The following ZNF566 variants were observed in gnomAD, a reference collection of about 807,000 sequenced individuals.
ZNF566 encodes zinc finger protein 566.
Under a neutral mutation model 32.8 loss-of-function variants are expected in ZNF566, and 27 were observed. The ratio of observed to expected loss-of-function variants is 0.82; its 90% CI spans 0.61 to 1.14. ZNF566 has a LOEUF of 1.14. ZNF566 is among the 50% of genes most tolerant of loss of function. The pLI, the probability that ZNF566 is intolerant of heterozygous loss-of-function variation, is 0.00. For missense variants in ZNF566, 402 were observed against 490.4 expected (o/e 0.82, Z 1.70); for synonymous variants, 154 against 159.5 (o/e 0.97, Z 0.26).
Position 36,449,451 on chromosome 19 carries a change from C to G in ZNF566, c.783G>C (p.Gly261=), listed in dbSNP as rs1325475821. The part of the protein sequence containing the change: ...GEKPYECKEC[G]KAFSSGSNFT... Reference sequence around the variant, plus strand: ...AGTTTGAACCACTACTAAAGGCTTTCCCACATTCCTTACATTCATAGGGTT... The same window carrying G: ...AGTTTGAACCACTACTAAAGGCTTTGCCACATTCCTTACATTCATAGGGTT... The change falls in exon 5 of 5, where the codon GGG becomes GGC. Residue 261 remains glycine, a synonymous_variant. Transcript: ENST00000452939. 1 of 1,613,858 alleles carries G rather than the reference C, an allele frequency of 6.2e-7. No individual in the cohort carries two copies. The highest frequency in any genetic ancestry group is 8.5e-7 in the Non-Finnish European group (1 of 1,180,006).
chr19:36,484,347 T>A (rs2034104045), intron 1 of ZNF566, among the ~76,000 whole-genome samples: 1 of 152,182 alleles, frequency 6.6e-6, no homozygotes, highest in African/African-American at 2.4e-5. Context: ...CCATAAGGAC[T>A]CAAATATAGA....
chr19:36,461,715 A>G (rs1402010985), intron 4 of ZNF566, among the ~76,000 whole-genome samples: 1 of 152,002 alleles, frequency 6.6e-6, no homozygotes, highest in Non-Finnish European at 1.5e-5. Context: ...AATAAATCCT[A>G]TGGAGATGGT....
chr19:36,464,234 A>G (rs1200712453), intron 4 of ZNF566, among the ~76,000 whole-genome samples: 1 of 152,222 alleles, frequency 6.6e-6, no homozygotes, highest in East Asian at 1.9e-4. Flanking sequence ...GTAACAAGAA[A>G]GACCCAATGC....
At chr19:36,452,868 C>G (rs1425252780) in intron 4 of ZNF566, among the ~76,000 whole-genome samples, 1 of 151,930 alleles carries the variant, frequency 6.6e-6, no homozygotes, top group African/African-American at 2.4e-5. Context: ...ACCTGTAATC[C>G]TAGCACTTTG....
At chr19:36,482,401 TG>T (rs138408851) in intron 1 of ZNF566, among the ~76,000 whole-genome samples, 27,857 of 151,970 alleles carry the variant, frequency 0.18, 2,770 homozygotes, top group Non-Finnish European at 0.23. Flanking sequence ...CACTGTCCCC[TG>T]CGAATGTTTT....
At chr19:36,462,823 G>T (rs1600151199) in intron 4 of ZNF566, among the ~76,000 whole-genome samples, 1 of 151,410 alleles carries the variant, frequency 6.6e-6, no homozygotes, top group African/African-American at 2.4e-5. Flanking sequence ...CAGGCGTGGT[G>T]GGGGGTGCCT....
intron 4 of ZNF566, among the ~76,000 whole-genome samples, chr19:36,471,651 G>A (rs1211763966): frequency 6.6e-6 from 1 of 151,632 alleles, no homozygotes; most frequent in African/African-American, 2.4e-5. Context: ...ATTTCTTTTA[G>A]TATTTACTAT....
At chr19:36,463,302 G>A (rs866254132) in intron 4 of ZNF566, among the ~76,000 whole-genome samples, 12 of 152,012 alleles carry the variant, frequency 7.9e-5, no homozygotes, top group African/African-American at 2.2e-4. Context: ...TACATCCTAC[G>A]CAATAAACAA....
intron 2 of ZNF566, among the ~76,000 whole-genome samples, chr19:36,475,825 G>C (rs1883144106): frequency 6.6e-6 from 1 of 151,804 alleles, no homozygotes; most frequent in South Asian, 2.1e-4. Context: ...ACCTGATCTG[G>C]GTCAGGTTTT....
At chr19:36,477,188 T>C (rs1350983340) in intron 1 of ZNF566, among the ~76,000 whole-genome samples, 2 of 149,782 alleles carry the variant, frequency 1.3e-5, no homozygotes, top group South Asian at 4.2e-4. Flanking sequence ...TTTTTTGTAT[T>C]TTTAGTAGTG....
intron 4 of ZNF566, among the ~76,000 whole-genome samples, chr19:36,453,292 G>A (rs1427956368): frequency 6.6e-6 from 1 of 151,562 alleles, no homozygotes; most frequent in African/African-American, 2.4e-5. Context: ...GGCCAACATT[G>A]TGAAACCCTG....
intron 4 of ZNF566, among the ~76,000 whole-genome samples, chr19:36,457,541 GA>G (rs1305294212): frequency 6.6e-6 from 1 of 152,098 alleles, no homozygotes; most frequent in Non-Finnish European, 1.5e-5. Context: ...ATAGGTATAT[GA>G]AAAAACACTC....
At chr19:36,451,769 G>A (rs1003200062) in intron 4 of ZNF566, among the ~76,000 whole-genome samples, 2 of 152,114 alleles carry the variant, frequency 1.3e-5, no homozygotes, top group Admixed American at 1.3e-4. Flanking sequence ...GCACTCTGCG[G>A]GGCCGAGGCG....
intron 4 of ZNF566, among the ~76,000 whole-genome samples, chr19:36,468,056 A>T (rs369496508): frequency 2.0e-5 from 3 of 150,694 alleles, no homozygotes; most frequent in Admixed American, 1.3e-4. Context: ...GTGGTGGCGC[A>T]TGCCTGTAAT....
intron 4 of ZNF566, among the ~76,000 whole-genome samples, chr19:36,471,493 G>A (rs1327675885): frequency 2.6e-5 from 4 of 152,038 alleles, no homozygotes; most frequent in African/African-American, 9.7e-5. Flanking sequence ...TCCTCCATCT[G>A]GAGTGGTCCT....
intron 4 of ZNF566, among the ~76,000 whole-genome samples, chr19:36,468,022 C>T (rs889554341): frequency 4.6e-5 from 7 of 150,584 alleles, no homozygotes; most frequent in African/African-American, 1.5e-4. Context: ...CCCATCTCTA[C>T]TAAAAATACA....
At chr19:36,466,993 C>T (rs2033629331) in intron 4 of ZNF566, among the ~76,000 whole-genome samples, 2 of 150,138 alleles carry the variant, frequency 1.3e-5, no homozygotes, top group South Asian at 2.1e-4. Flanking sequence ...GGTGTGAACC[C>T]GGGAGGTGGA....
chr19:36,472,973 TAGG>T lies in ZNF566; in HGVS notation c.167_169del (p.Ser56del), dbSNP rs2033802718. On this transcript the variant is annotated inframe_deletion, in exon 4 of 5. Coordinates refer to ENST00000452939, the MANE Select transcript of ZNF566 (RefSeq NM_001145344.1). ...CCAGGGCTCCTTCCCTTGCTCCAAGTAGGAGATCACATTTGGTTTAGAAATAGA... is the reference window on the plus strand; with the variant it reads ...CCAGGGCTCCTTCCCTTGCTCCAAGTAGATCACATTTGGTTTAGAAATAGA... The T allele has an allele frequency of 4.3e-6, 7 of 1,613,948 alleles. No homozygotes were observed. Among genetic ancestry groups the T allele is most frequent in the Middle Eastern group, 1.7e-4 (1 of 6,060 alleles).
rs1208523928 is a variant in ZNF566, at chr19:36,449,703, C to T, written c.531G>A (p.Arg177=). 6.2e-7 allele frequency: 1 copy of T among 1,613,910 alleles called. No homozygotes were observed. The highest frequency in any genetic ancestry group is 2.2e-5 in the East Asian group (1 of 44,884). Residue 177 remains arginine, a synonymous_variant, in exon 5 of 5, where the codon AGG becomes AGA. Coordinates refer to ENST00000452939, the MANE Select transcript of ZNF566 (RefSeq NM_001145344.1). ...KKKFCASKEY[R]KTFRHGSQFA... is the part of the protein sequence containing the mutation. ...ACTGTGAGCCATGTCTAAAGGTTTT[C>T]CTATATTCTTTAGATGCACAGAATT...
Sources: allele counts gnomAD v4.1 joint callset (sites outside exome capture counted in the v4.1 genomes callset), GRCh38; gene constraint gnomAD v4.1.1; transcripts MANE v1.5; gene names NCBI Gene and HGNC (gene_info 2026-07-23, HGNC 2026-07-21).